TANC2: variants seen among roughly 807,000 people sequenced by gnomAD.
TANC2 encodes tetratricopeptide repeat, ankyrin repeat and coiled-coil containing 2, also known as protein TANC2.
TANC2 carries 26 observed loss-of-function variants against 210.5 expected under a neutral mutation model. The observed-to-expected ratio is 0.12, with a 90% confidence interval of 0.09 to 0.17. The LOEUF (loss-of-function observed/expected upper bound fraction) is 0.17, where lower values mean the gene tolerates loss of function less well. Ranked by LOEUF, TANC2 falls within the 10% of genes least tolerant of loss-of-function variation. TANC2 has a pLI of 1.00. For synonymous variants in TANC2, 931 were observed against 967.1 expected, an observed-to-expected ratio of 0.96 and a Z score of 0.69; for missense variants, 2,129 against 2,608.9, an observed-to-expected ratio of 0.82 and a Z score of 4.01.
intron 5 of TANC2, among the ~76,000 whole-genome samples, chr17:63,192,610 A>G (rs533866375): frequency 9.8e-5 from 15 of 152,320 alleles, no homozygotes; most frequent in African/African-American, 3.1e-4. Context: ...CAGGGAGCTC[A>G]AGTTCTAATC....
chr17:62,981,568 T>G (rs2032303246), intron 1 of TANC2, among the ~76,000 whole-genome samples: 1 of 152,174 alleles, frequency 6.6e-6, no homozygotes, highest in African/African-American at 2.4e-5. Flanking sequence ...TTATTGTTGT[T>G]GACTGTATCT....
chr17:63,098,603 A>T (rs1023054429), intron 3 of TANC2, among the ~76,000 whole-genome samples: 10 of 150,724 alleles, frequency 6.6e-5, no homozygotes, highest in East Asian at 1.9e-4. Context: ...GGAAAAGTTT[A>T]TCTGAAGTAC....
intron 11 of TANC2, among the ~76,000 whole-genome samples, chr17:63,333,026 A>G (rs541467712): frequency 1.3e-5 from 2 of 152,324 alleles, no homozygotes; most frequent in African/African-American, 4.8e-5. Flanking sequence ...CTAGTCACCT[A>G]AGAGCTCTGA....
At chr17:63,206,177 A>G (rs1464474515) in intron 7 of TANC2, among the ~76,000 whole-genome samples, 2 of 152,222 alleles carry the variant, frequency 1.3e-5, no homozygotes, top group Non-Finnish European at 2.9e-5. Flanking sequence ...TAGGATGACA[A>G]TTATAAAAAG....
At position 63,106,057 on chromosome 17, in the gene TANC2, C is replaced by T. The variant is rs573368346; in HGVS notation, c.322+6700C>T. Among the ~76,000 whole-genome samples, 62 of 151,508 alleles carry T rather than the reference C, an allele frequency of 4.1e-4. No homozygotes were observed. In the Middle Eastern group the frequency reaches 0.01, roughly 25 times the overall value. ...CTGGACCTCATTCAGGGTACTGTTT[C>T]TAATTTGGTTTCTAACTTCAGATTC... On this transcript the variant is annotated intron_variant, in intron 4 of 27. Coordinates refer to ENST00000689528, the Ensembl canonical transcript of TANC2.
At chr17:63,034,236 A>G (rs75279440) in intron 2 of TANC2, among the ~76,000 whole-genome samples, 4,506 of 152,222 alleles carry the variant, frequency 0.03, 84 homozygotes, top group South Asian at 0.038. Context: ...TGAAGCCAGT[A>G]CTCGTTTACC....
chr17:63,320,966 A>G (rs2045475072), intron 11 of TANC2, among the ~76,000 whole-genome samples: 2 of 152,222 alleles, frequency 1.3e-5, no homozygotes, highest in Non-Finnish European at 2.9e-5. Flanking sequence ...TGGGAAGCCA[A>G]GGTGGGTGGA....
At chr17:63,160,858 A>G (rs986818948) in intron 5 of TANC2, among the ~76,000 whole-genome samples, 4 of 152,152 alleles carry the variant, frequency 2.6e-5, no homozygotes, top group Non-Finnish European at 5.9e-5. Flanking sequence ...GTCTCTTCAC[A>G]TGTCCTTCAG....
chr17:62,998,421 A>G (rs914647192), intron 1 of TANC2, among the ~76,000 whole-genome samples: 9 of 152,190 alleles, frequency 5.9e-5, no homozygotes, highest in African/African-American at 2.2e-4. Context: ...CAGAAAATCC[A>G]TGTGAGATGA....
At chr17:63,409,286 C>T (rs1201470043) in intron 21 of TANC2, among the ~76,000 whole-genome samples, 1 of 152,068 alleles carries the variant, frequency 6.6e-6, no homozygotes, top group Non-Finnish European at 1.5e-5. Context: ...ATCCTCCCAT[C>T]TCATCCTCCC....
intron 7 of TANC2, among the ~76,000 whole-genome samples, chr17:63,226,808 T>C (rs2042339922): frequency 6.6e-6 from 1 of 152,162 alleles, no homozygotes; most frequent in African/African-American, 2.4e-5. Context: ...TGTGTCCATA[T>C]GTTCTCATTG....
At chr17:63,292,688 G>GTGT in intron 9 of TANC2, among the ~76,000 whole-genome samples, 1 of 152,302 alleles carries the variant, frequency 6.6e-6, no homozygotes, top group South Asian at 2.1e-4. Flanking sequence ...TTAAATAAGT[G>GTGT]TGTGTGGGAT....
intron 7 of TANC2, among the ~76,000 whole-genome samples, chr17:63,209,895 G>A (rs1407510637): frequency 6.6e-6 from 1 of 152,106 alleles, no homozygotes; most frequent in African/African-American, 2.4e-5. Flanking sequence ...TATCTTTTGA[G>A]GTGATGAAAT....
At chr17:63,095,418 G>A (rs2037351859) in intron 3 of TANC2, among the ~76,000 whole-genome samples, 1 of 152,068 alleles carries the variant, frequency 6.6e-6, no homozygotes, top group African/African-American at 2.4e-5. Flanking sequence ...CAACCCTCCT[G>A]CCTCAGCCTC....
In TANC2 at chr17:62,966,264, C is replaced by T. The variant is rs1311835202; in HGVS notation, c.-509C>T. On this transcript the variant is annotated 5_prime_UTR_variant, in exon 1 of 28. Transcript: ENST00000689528. The surrounding 1 kb of genome is among the most constrained non-coding windows in gnomAD (Gnocchi z 5.1). ...GCGCTAGCGAGCGGCCGGCGGGGCG[C>T]GGGTTGCTGGGCGCGCTGCTCCGGC... Among the ~76,000 whole-genome samples, 4 of 146,032 alleles carry T rather than the reference C, an allele frequency of 2.7e-5. No individual in the cohort carries two copies. The highest frequency in any genetic ancestry group is 4.6e-5 in the Non-Finnish European group (3 of 65,738).
At chr17:63,109,886 G>A (rs556346513) in intron 4 of TANC2, among the ~76,000 whole-genome samples, 1 of 151,566 alleles carries the variant, frequency 6.6e-6, no homozygotes, top group Non-Finnish European at 1.5e-5. Flanking sequence ...AGAACTATAC[G>A]ACATAAATTA....
In TANC2 at chr17:63,151,391, A is replaced by C; in HGVS notation, c.433+11A>C. 1 of 983,064 alleles carries C rather than the reference A, an allele frequency of 1.0e-6. No individual in the cohort carries two copies. The highest frequency in any genetic ancestry group is 1.2e-6 in the Non-Finnish European group (1 of 827,448). 60.9% of individuals were successfully genotyped at this position (983,064 alleles called of 1,614,324 possible). On this transcript the variant is annotated intron_variant, in intron 5 of 27. Transcript: ENST00000689528. ...ATGCATACTGCCCTGGTAAGCATGC[A>C]TGCAAAGTGTCTGCTTTGAAAGAGG...
chr17:63,197,654 GTAT>G (rs1362242598), intron 6 of TANC2: 1 of 152,144 alleles, frequency 6.6e-6, no homozygotes, highest in Non-Finnish European at 1.5e-5. Context: ...AGTTTCCAAG[GTAT>G]TCAAATGGAC....
intron 1 of TANC2, among the ~76,000 whole-genome samples, chr17:63,003,449 GGGT>G (rs2033476177): frequency 6.6e-6 from 1 of 152,180 alleles, no homozygotes; most frequent in Admixed American, 6.5e-5. Context: ...CTGATAACCA[GGGT>G]GGCTGCTAAT....
Sources: allele counts gnomAD v4.1 joint callset (sites outside exome capture counted in the v4.1 genomes callset), GRCh38; gene constraint gnomAD v4.1.1; non-coding constraint Gnocchi (gnomAD v3.1); transcripts MANE v1.5; gene names NCBI Gene and HGNC (gene_info 2026-07-23, HGNC 2026-07-21).